CWH43: variants seen among roughly 807,000 people sequenced by gnomAD.
The protein encoded by CWH43 is PGAP2-interacting protein.
In CWH43, 91 loss-of-function variants were observed where a neutral mutation model predicts 85.7. The ratio of observed to expected loss-of-function variants is 1.06; its 90% CI spans 0.90 to 1.26. CWH43 has a LOEUF of 1.26. CWH43 is among the 50% of genes most tolerant of loss of function. CWH43 has a pLI of 0.00. For synonymous variants in CWH43, 323 were observed against 293.6 expected (o/e 1.10, Z -1.02); for missense variants, 869 against 839.2 (o/e 1.04, Z -0.44).
chr4:49,032,475 A>T (rs1205206319), intron 11 of CWH43, 91 bp from the exon 12 acceptor site: 1 of 1,437,592 alleles, frequency 7.0e-7, no homozygotes. Flanking sequence ...GTGCAGTGGG[A>T]CACATCCCTT....
chr4:49,054,974 C>A (rs139596572), intron 15 of CWH43, among the ~76,000 whole-genome samples: 7 of 151,562 alleles, frequency 4.6e-5, no homozygotes, highest in African/African-American at 1.5e-4. Context: ...TAACTTTTTC[C>A]TTTCCAATTT....
chr4:49,017,004 G>A (rs972495337), intron 8 of CWH43: 24 of 774,416 alleles, frequency 3.1e-5, no homozygotes, highest in Non-Finnish European at 5.0e-5. Context: ...CTTCTGCTGG[G>A]TGAAGTCGAT....
intron 7 of CWH43, 44 bp downstream of exon 7, chr4:49,004,036 A>T: frequency 6.5e-7 from 1 of 1,548,822 alleles, no homozygotes; most frequent in South Asian, 1.2e-5. Flanking sequence ...TTGCTCAAAA[A>T]TATCCTTATG....
At chr4:49,032,345 C>G (rs576557512) in intron 11 of CWH43, among the ~76,000 whole-genome samples, 1 of 152,252 alleles carries the variant, frequency 6.6e-6, no homozygotes, top group African/African-American at 2.4e-5. Context: ...CTTATTAAAA[C>G]AGAGTTGATG....
intron 12 of CWH43, among the ~76,000 whole-genome samples, chr4:49,034,228 C>T (rs1384863114): frequency 6.6e-6 from 1 of 152,104 alleles, no homozygotes; most frequent in Admixed American, 6.5e-5. Flanking sequence ...GTAGCAAGTA[C>T]AGGCATTCAG....
chr4:49,019,021 T>C (rs1384219300), intron 9 of CWH43, among the ~76,000 whole-genome samples: 2 of 152,228 alleles, frequency 1.3e-5, no homozygotes, highest in Non-Finnish European at 2.9e-5. Flanking sequence ...GTTATTTGAA[T>C]TGGATTTAAT....
chr4:49,049,492 A>G (rs1295352334), intron 14 of CWH43, among the ~76,000 whole-genome samples: 1 of 151,188 alleles, frequency 6.6e-6, no homozygotes, highest in Admixed American at 6.6e-5. Context: ...TCTGCTTCAA[A>G]CCCCTCTGAT....
intron 13 of CWH43, among the ~76,000 whole-genome samples, chr4:49,040,521 T>C (rs907062993): frequency 1.3e-5 from 2 of 152,204 alleles, no homozygotes; most frequent in African/African-American, 4.8e-5. Flanking sequence ...TCATGTGTCT[T>C]TTGGCTGCAT....
chr4:49,043,250 T>G (rs1180205167), intron 13 of CWH43, among the ~76,000 whole-genome samples: 1 of 152,198 alleles, frequency 6.6e-6, no homozygotes, highest in Non-Finnish European at 1.5e-5. Context: ...ATTATGTGTG[T>G]CTGGCTGTAT....
At chr4:49,041,717 C>A (rs1784468249) in intron 13 of CWH43, among the ~76,000 whole-genome samples, 1 of 152,142 alleles carries the variant, frequency 6.6e-6, no homozygotes. Context: ...CTGTGTTCTA[C>A]CTTGTGGTTC....
At chr4:49,017,147 G>C in intron 8 of CWH43, 102 bp from the exon 9 acceptor site, 1 of 940,532 alleles carries the variant, frequency 1.1e-6, no homozygotes, top group Non-Finnish European at 1.7e-6. Flanking sequence ...CTTCCTGGAG[G>C]GTGCCATGGC....
intron 15 of CWH43, among the ~76,000 whole-genome samples, chr4:49,051,441 C>T (rs1784794818): frequency 6.6e-6 from 1 of 152,160 alleles, no homozygotes; most frequent in African/African-American, 2.4e-5. Flanking sequence ...ACCAATTTAT[C>T]AGGACCTCCT....
intron 8 of CWH43, among the ~76,000 whole-genome samples, chr4:49,009,023 T>C (rs1783261746): frequency 6.6e-6 from 1 of 152,176 alleles, no homozygotes; most frequent in South Asian, 2.1e-4. Context: ...AAGTCATTGG[T>C]GACTTGATGG....
intron 9 of CWH43, among the ~76,000 whole-genome samples, chr4:49,025,051 A>AT (rs1246168531): frequency 3.3e-5 from 5 of 151,448 alleles, no homozygotes; most frequent in Non-Finnish European, 7.4e-5. Flanking sequence ...TATCTTTTAA[A>AT]TTTTTTTTCC....
intron 10 of CWH43, among the ~76,000 whole-genome samples, chr4:49,029,885 A>T (rs1784040268): frequency 6.6e-6 from 1 of 152,186 alleles, no homozygotes; most frequent in Non-Finnish European, 1.5e-5. Flanking sequence ...CTCCTGCTGC[A>T]TTCCCCTTGC....
At chr4:49,010,453 G>T (rs1211994612) in intron 8 of CWH43, among the ~76,000 whole-genome samples, 3 of 152,000 alleles carry the variant, frequency 2.0e-5, no homozygotes, top group Non-Finnish European at 2.9e-5. Context: ...TTTTTTTGAA[G>T]GATTTTTGTG....
At chr4:49,043,916 T>G (rs1784544244) in intron 13 of CWH43, among the ~76,000 whole-genome samples, 2 of 151,972 alleles carry the variant, frequency 1.3e-5, no homozygotes, top group Admixed American at 1.3e-4. Context: ...ACAATAAAGA[T>G]TAATAGACAT....
chr4:49,025,850 A>G (rs747207181), intron 9 of CWH43, among the ~76,000 whole-genome samples: 2 of 152,150 alleles, frequency 1.3e-5, no homozygotes, highest in African/African-American at 4.8e-5. Flanking sequence ...GGCACTTTCA[A>G]GAGCACATCA....
At position 48,988,331 on chromosome 4, in the gene CWH43, G is replaced by GTA; in HGVS notation, c.44-145_44-144insAT. The stretch of plus-strand genomic sequence containing the variant: ...GTGTAGAGCTCTTGTTTTGTTCCAT[G>GTA]TCAGTGGAGACAACTGGAACCCAGT... On this transcript the variant is annotated intron_variant, in intron 1 of 15. Transcript: ENST00000226432. The GTA allele has an allele frequency of 2.0e-5, 9 of 459,454 alleles. No homozygotes were observed. The South Asian group carries it at 2.4e-4, about 12-fold the overall frequency. 28.5% of individuals were successfully genotyped at this position (459,454 alleles called of 1,614,324 possible).
Sources: gnomAD v4.1 joint callset for allele counts (sites outside exome capture counted in the v4.1 genomes callset) on GRCh38, gnomAD v4.1.1 for gene constraint, MANE v1.5 for transcripts, NCBI Gene and HGNC (gene_info 2026-07-23, HGNC 2026-07-21) for gene names.